EYA2: variants seen among roughly 807,000 people sequenced by gnomAD.
EYA2 encodes protein phosphatase EYA2.
Under a neutral mutation model 69.2 loss-of-function variants are expected in EYA2, and 31 were observed. The observed-to-expected ratio is 0.45, with a 90% CI of 0.34 to 0.60. The LOEUF (loss-of-function observed/expected upper bound fraction) is 0.60, where lower values mean the gene tolerates loss of function less well. Ranked by LOEUF, EYA2 falls within the 20% of genes least tolerant of loss-of-function variation. EYA2 has a pLI of 0.02. For synonymous variants in EYA2, 257 were observed against 279.4 expected (o/e 0.92, Z 0.80); for missense variants, 622 against 701.2 (o/e 0.89, Z 1.28).
intron 3 of EYA2, among the ~76,000 whole-genome samples, chr20:47,003,780 G>T (rs1027199545): frequency 6.6e-6 from 1 of 152,206 alleles, no homozygotes; most frequent in Non-Finnish European, 1.5e-5. Flanking sequence ...TCCTAGTCCT[G>T]TGAGGAATAG....
intron 1 of EYA2, among the ~76,000 whole-genome samples, chr20:46,969,169 C>T (rs1345435427): frequency 2.6e-5 from 4 of 152,144 alleles, no homozygotes; most frequent in East Asian, 1.9e-4. Context: ...TGTCTTCCTC[C>T]GCTACTGGAT....
chr20:47,004,081 T>C (rs1202461664), intron 3 of EYA2, among the ~76,000 whole-genome samples: 1 of 152,268 alleles, frequency 6.6e-6, no homozygotes, highest in Admixed American at 6.5e-5. Flanking sequence ...TAGCCCATTA[T>C]AGAACCTGTT....
At chr20:46,973,736 A>C (rs549603115) in intron 1 of EYA2, among the ~76,000 whole-genome samples, 1 of 152,244 alleles carries the variant, frequency 6.6e-6, no homozygotes, top group African/African-American at 2.4e-5. Context: ...TATATGTTGG[A>C]AATTTTTCAT....
rs139449648 is a variant in EYA2 at position 47,074,127 on chromosome 20, A to G, written c.484-31A>G. 18 of 1,565,624 alleles carry G rather than the reference A, an allele frequency of 1.1e-5. No homozygotes were observed. The East Asian group carries it at 4.0e-4, about 35-fold the overall frequency. On this transcript the variant is annotated intron_variant, in intron 6 of 15. Coordinates refer to ENST00000327619, the MANE Select transcript of EYA2 (RefSeq NM_005244.5). Reference sequence around the variant, plus strand: ...CCCGAGCCCAGAAAGGCTTCCTCACATATGTCCTTGGTTTGTTTTTCTCTT... The same window carrying G: ...CCCGAGCCCAGAAAGGCTTCCTCACGTATGTCCTTGGTTTGTTTTTCTCTT...
At chr20:46,927,978 C>T (rs557202181) in intron 1 of EYA2, among the ~76,000 whole-genome samples, 77 of 152,180 alleles carry the variant, frequency 5.1e-4, no homozygotes, top group Non-Finnish European at 9.4e-4. Context: ...ACAATAATAA[C>T]AGATAATACT....
intron 7 of EYA2, among the ~76,000 whole-genome samples, chr20:47,077,351 C>A (rs1469991445): frequency 6.6e-6 from 1 of 152,208 alleles, no homozygotes; most frequent in Non-Finnish European, 1.5e-5. Context: ...TTCTCTTTTA[C>A]AAGGTGGTTT....
At position 47,089,347 on chromosome 20, in the gene EYA2, G is replaced by A. The variant is rs1209631579; in HGVS notation, c.770G>A (p.Ser257Asn). Residue 257 changes from serine (S) to asparagine (N), a missense_variant, in exon 8 of 16, where the codon AGT becomes AAT. This residue lies in a region of EYA2 where 365 missense variants were observed against 349.7 expected (regional missense o/e 1.04). Transcript: ENST00000327619. The part of the protein sequence containing the change: ...GKLRGRSKRS[S>N]DPSPAGDNEI... Reference sequence around the variant, plus strand: ...CTCCGAGGCCGGTCTAAGAGGAGCAGTGACCCGTCCCCGGCAGGGGACAAT... The same window carrying A: ...CTCCGAGGCCGGTCTAAGAGGAGCAATGACCCGTCCCCGGCAGGGGACAAT... 6.2e-7 allele frequency: 1 copy of A among 1,614,194 alleles called. No homozygotes were observed. The highest frequency in any genetic ancestry group is 8.5e-7 in the Non-Finnish European group (1 of 1,180,018).
At chr20:47,050,201 C>T (rs141514165) in intron 5 of EYA2, among the ~76,000 whole-genome samples, 6 of 152,290 alleles carry the variant, frequency 3.9e-5, no homozygotes, top group East Asian at 1.9e-4. Context: ...GTATGCCTGC[C>T]GGAGAGCTTG....
rs768438604 is a variant in EYA2, at chr20:47,001,422, C to T, written c.110-6C>T. The T allele has an allele frequency of 1.5e-5, 24 of 1,613,978 alleles. No homozygotes were observed. The highest frequency in any genetic ancestry group is 2.0e-5 in the Non-Finnish European group (24 of 1,179,954). On this transcript the variant is annotated splice_polypyrimidine_tract_variant and splice_region_variant and intron_variant, in intron 2 of 15. Coordinates refer to ENST00000327619, the MANE Select transcript of EYA2 (RefSeq NM_005244.5). ...AACTCTTCCAATTTTTCTTTTTCTC[C>T]TGCAGGCATCACCAAATCGGCCCCC...
intron 9 of EYA2, among the ~76,000 whole-genome samples, chr20:47,116,170 C>CTTTTT (rs138828415): frequency 1.2e-4 from 10 of 80,034 alleles, no homozygotes; most frequent in South Asian, 4.9e-4. Context: ...CATCATCCTT[C>CTTTTT]TTTTTTTTTT....
At chr20:47,054,883 A>T (rs75538250) in intron 5 of EYA2, among the ~76,000 whole-genome samples, 2 of 152,204 alleles carry the variant, frequency 1.3e-5, no homozygotes, top group Non-Finnish European at 2.9e-5. Context: ...ACAGGAATTT[A>T]TTGTAAACTG....
intron 8 of EYA2, among the ~76,000 whole-genome samples, chr20:47,093,436 T>G (rs1232393982): frequency 6.6e-6 from 1 of 152,240 alleles, no homozygotes; most frequent in African/African-American, 2.4e-5. Flanking sequence ...TTTCTCACAT[T>G]AGCTGTCTCA....
intron 10 of EYA2, among the ~76,000 whole-genome samples, chr20:47,162,498 A>G (rs1461891772): frequency 6.7e-6 from 1 of 149,818 alleles, no homozygotes; most frequent in Admixed American, 6.7e-5. Context: ...TTTCAAAAGC[A>G]GTACATACAC....
rs538220230 is a variant in EYA2 at position 47,045,665 on chromosome 20, G to A, written c.416-26520G>A. ...TTCTTCCTCAACTCTTTTCATATCC[G>A]TCTACATGAGCAATGGAATTGCTAT... On this transcript the variant is annotated intron_variant, in intron 5 of 15. Transcript: ENST00000327619. Among the ~76,000 whole-genome samples the A allele has an allele frequency of 1.7e-4, 26 of 152,232 alleles. No homozygotes were observed. In the South Asian group the frequency reaches 4.8e-3, roughly 28 times the overall value.
intron 1 of EYA2, among the ~76,000 whole-genome samples, chr20:46,910,178 A>G (rs1319380231): frequency 1.3e-5 from 2 of 152,184 alleles, no homozygotes; most frequent in African/African-American, 4.8e-5. Context: ...TACAGGAAGC[A>G]TGTTACTGGC....
At chr20:46,999,621 C>A in intron 2 of EYA2, among the ~76,000 whole-genome samples, 1 of 152,198 alleles carries the variant, frequency 6.6e-6, no homozygotes, top group East Asian at 1.9e-4. Context: ...ATAGGCAATT[C>A]TCCTTTTCTT....
intron 5 of EYA2, among the ~76,000 whole-genome samples, chr20:47,019,224 T>C (rs1983602320): frequency 6.6e-6 from 1 of 151,976 alleles, no homozygotes; most frequent in Non-Finnish European, 1.5e-5. Context: ...CGTCTCCAGC[T>C]CTCTTCTCGC....
At chr20:47,122,252 ACT>A (rs2033066269) in intron 9 of EYA2, among the ~76,000 whole-genome samples, 1 of 131,020 alleles carries the variant, frequency 7.6e-6, no homozygotes, top group Non-Finnish European at 1.6e-5. Context: ...AACATTTGTC[ACT>A]CTCTGAAATG....
chr20:46,946,073 C>T (rs1978435687), intron 1 of EYA2, among the ~76,000 whole-genome samples: 1 of 152,074 alleles, frequency 6.6e-6, no homozygotes, highest in Non-Finnish European at 1.5e-5. Flanking sequence ...GGTCCCTTTC[C>T]CAGTGGGGGT....
Sources: gnomAD v4.1 joint callset for allele counts (sites outside exome capture counted in the v4.1 genomes callset) on GRCh38, gnomAD v4.1.1 for gene constraint, gnomAD v4.1.1 regional missense constraint, MANE v1.5 for transcripts, NCBI Gene and HGNC (gene_info 2026-07-23, HGNC 2026-07-21) for gene names.